LRRC3B: variants seen among roughly 807,000 people sequenced by gnomAD.
LRRC3B encodes the protein leucine-rich repeat-containing protein 3B.
A neutral mutation model predicts 12.8 loss-of-function variants in LRRC3B; 2 were observed. That is an observed-to-expected ratio of 0.16 (90% CI 0.06 to 0.49). The LOEUF (loss-of-function observed/expected upper bound fraction) is 0.49. Among genes scored for constraint, LRRC3B ranks in the 20% least tolerant of loss-of-function variants. The pLI, the probability that LRRC3B is intolerant of heterozygous loss-of-function variation, is 0.96. For synonymous variants in LRRC3B, 132 were observed against 122.0 expected (o/e 1.08, Z -0.54); for missense variants, 189 against 319.4 (o/e 0.59, Z 3.11).
rs1161960755 is a variant in LRRC3B at position 26,671,350 on chromosome 3, GTATA to G, written c.-160-38142_-160-38139del. 4.2e-3 allele frequency among the ~76,000 whole-genome samples: 239 copies of G among 56,660 alleles called. 5 individuals are homozygous for G. The highest frequency in any genetic ancestry group is 7.2e-3 in the Admixed American group (27 of 3,760). The allele number at this position is 56,660 out of a possible 152,430, so 37.2% of individuals were successfully genotyped here. On this transcript the variant is annotated intron_variant, in intron 1 of 1. Transcript: ENST00000396641. ...TATAAATGTGTGTGTATATATGTGT[GTATA>G]TATATATATATATATATATAGAGAG...
intron 1 of LRRC3B, among the ~76,000 whole-genome samples, chr3:26,673,876 C>G (rs1432331549): frequency 6.6e-6 from 1 of 152,156 alleles, no homozygotes; most frequent in Non-Finnish European, 1.5e-5. Flanking sequence ...TGAGGTTCTT[C>G]TTGAAATTGG....
intron 1 of LRRC3B, among the ~76,000 whole-genome samples, chr3:26,704,767 C>A (rs988377638): frequency 2.0e-5 from 3 of 152,024 alleles, no homozygotes; most frequent in African/African-American, 7.2e-5. Context: ...AAATAATCAA[C>A]CTTTTGTTTT....
chr3:26,693,912 A>C (rs1016522196), intron 1 of LRRC3B, among the ~76,000 whole-genome samples: 2 of 152,250 alleles, frequency 1.3e-5, no homozygotes, highest in Non-Finnish European at 2.9e-5. Flanking sequence ...ATCTTCATTT[A>C]CTTATAAGTA....
At chr3:26,652,725 G>C (rs1385696204) in intron 1 of LRRC3B, among the ~76,000 whole-genome samples, 2 of 151,550 alleles carry the variant, frequency 1.3e-5, no homozygotes, top group Non-Finnish European at 2.9e-5. Context: ...AAAAATCACA[G>C]ATGTTTTAGA....
intron 1 of LRRC3B, among the ~76,000 whole-genome samples, chr3:26,660,128 T>C (rs181451919): frequency 5.3e-5 from 8 of 152,176 alleles, no homozygotes; most frequent in African/African-American, 1.9e-4. Context: ...CCCTCCTCAG[T>C]CTAAGATTTC....
At chr3:26,704,861 G>A (rs1297159268) in intron 1 of LRRC3B, among the ~76,000 whole-genome samples, 1 of 152,068 alleles carries the variant, frequency 6.6e-6, no homozygotes, top group African/African-American at 2.4e-5. Flanking sequence ...ATGTATGAGG[G>A]TTTTTCCCCG....
intron 1 of LRRC3B, among the ~76,000 whole-genome samples, chr3:26,633,665 G>T (rs1575112201): frequency 6.6e-6 from 1 of 152,212 alleles, no homozygotes; most frequent in Middle Eastern, 3.4e-3. Context: ...CCACAAAATT[G>T]ATAAGACAGA....
intron 1 of LRRC3B, among the ~76,000 whole-genome samples, chr3:26,680,409 A>G (rs527378267): frequency 6.6e-6 from 1 of 152,374 alleles, no homozygotes; most frequent in South Asian, 2.1e-4. Flanking sequence ...ATAAAGTAAA[A>G]GAACGTTCTT....
intron 1 of LRRC3B, among the ~76,000 whole-genome samples, chr3:26,685,486 CCTCTCTCT>C (rs61229084): frequency 1.2e-3 from 59 of 49,556 alleles, no homozygotes; most frequent in East Asian, 6.0e-3. Context: ...AGACTCTCTC[CCTCTCTCT>C]CTCTCTCTCT....
chr3:26,633,504 T>A (rs1575112061), intron 1 of LRRC3B, among the ~76,000 whole-genome samples: 1 of 152,294 alleles, frequency 6.6e-6, no homozygotes, highest in South Asian at 2.1e-4. Context: ...TATGCACATA[T>A]GAAAACAGGT....
intron 1 of LRRC3B, among the ~76,000 whole-genome samples, chr3:26,638,237 T>A (rs1698944072): frequency 1.3e-5 from 2 of 152,126 alleles, no homozygotes; most frequent in Non-Finnish European, 2.9e-5. Flanking sequence ...TTAACTATCA[T>A]GACTTTAATG....
chr3:26,649,128 G>T (rs1575125873), intron 1 of LRRC3B, among the ~76,000 whole-genome samples: 1 of 152,210 alleles, frequency 6.6e-6, no homozygotes, highest in African/African-American at 2.4e-5. Context: ...CTTGAGAAAA[G>T]AATTAGAAAT....
chr3:26,693,053 G>C (rs373540683), intron 1 of LRRC3B, among the ~76,000 whole-genome samples: 1 of 152,120 alleles, frequency 6.6e-6, no homozygotes, highest in Non-Finnish European at 1.5e-5. Flanking sequence ...AGAGCAGGCC[G>C]GGCGCGGTGG....
chr3:26,702,474 C>T (rs1559373178), intron 1 of LRRC3B, among the ~76,000 whole-genome samples: 1 of 136,662 alleles, frequency 7.3e-6, no homozygotes, highest in African/African-American at 2.5e-5. Flanking sequence ...AGATCTTCAG[C>T]TGGATTGGTT....
At chr3:26,669,082 T>C (rs1345570890) in intron 1 of LRRC3B, among the ~76,000 whole-genome samples, 2 of 152,226 alleles carry the variant, frequency 1.3e-5, no homozygotes, top group Admixed American at 1.3e-4. Flanking sequence ...TTAAGATTAA[T>C]AAATGCAAAT....
intron 1 of LRRC3B, chr3:26,623,785 C>T (rs1698560413): frequency 1.3e-5 from 2 of 152,384 alleles, no homozygotes; most frequent in East Asian, 3.9e-4. Flanking sequence ...CATCCTTGCA[C>T]ACGCCACCCC....
At chr3:26,683,722 T>A (rs1194019589) in intron 1 of LRRC3B, among the ~76,000 whole-genome samples, 1 of 152,238 alleles carries the variant, frequency 6.6e-6, no homozygotes, top group African/African-American at 2.4e-5. Flanking sequence ...CCATTAGTTA[T>A]CAATTCTTCT....
intron 1 of LRRC3B, 57 bp from the exon 2 acceptor site, chr3:26,709,456 T>A (rs576882141): frequency 1.7e-6 from 1 of 577,098 alleles, no homozygotes; most frequent in African/African-American, 1.9e-5. Flanking sequence ...ACACCTTTCA[T>A]TACAATGTAC....
intron 1 of LRRC3B, among the ~76,000 whole-genome samples, chr3:26,661,490 T>C (rs1385751174): frequency 6.6e-6 from 1 of 152,212 alleles, no homozygotes; most frequent in Non-Finnish European, 1.5e-5. Flanking sequence ...CATCATACTA[T>C]ATGGGTAATT....
Sources: gnomAD v4.1 joint callset for allele counts (sites outside exome capture counted in the v4.1 genomes callset) on GRCh38, gnomAD v4.1.1 for gene constraint, MANE v1.5 for transcripts, NCBI Gene and HGNC (gene_info 2026-07-23, HGNC 2026-07-21) for gene names.